ANXA2: variants seen among roughly 807,000 people sequenced by gnomAD.
ANXA2 encodes the protein annexin A2.
ANXA2 carries 28 observed loss-of-function variants against 47.3 expected under a neutral mutation model. The observed-to-expected ratio is 0.59, with a 90% CI of 0.44 to 0.81. The LOEUF (loss-of-function observed/expected upper bound fraction) is 0.81, where lower values mean the gene tolerates loss of function less well. Ranked by LOEUF, ANXA2 falls within the 40% of genes least tolerant of loss-of-function variation. The pLI is 0.00. For synonymous variants in ANXA2, 172 were observed against 155.5 expected, an observed-to-expected ratio of 1.11 and a Z score of -0.79; for missense variants, 384 against 414.3, an observed-to-expected ratio of 0.93 and a Z score of 0.64.
intron 3 of ANXA2, among the ~76,000 whole-genome samples, chr15:60,368,415 AAAGT>A (rs1490452635): frequency 6.6e-6 from 1 of 152,138 alleles, no homozygotes; most frequent in African/African-American, 2.4e-5. Context: ...ACAATATTGA[AAAGT>A]AAAGTAGAAA....
chr15:60,372,825 C>T (rs147925384), intron 3 of ANXA2, among the ~76,000 whole-genome samples: 2 of 151,774 alleles, frequency 1.3e-5, no homozygotes, highest in Middle Eastern at 3.4e-3. Context: ...TCCTGAGTAG[C>T]TGGAAGCACA....
chr15:60,387,769 C>A (rs192669566), intron 1 of ANXA2, among the ~76,000 whole-genome samples: 79 of 152,312 alleles, frequency 5.2e-4, no homozygotes, highest in Non-Finnish European at 7.9e-4. Flanking sequence ...TTCATCAGTT[C>A]TAACAAATGT....
chr15:60,353,277 A>G (rs1385670994), intron 8 of ANXA2, among the ~76,000 whole-genome samples: 1 of 152,218 alleles, frequency 6.6e-6, no homozygotes, highest in African/African-American at 2.4e-5. Context: ...CTCAGAGATA[A>G]TGGAACTAGA....
chr15:60,396,384 G>C (rs2063080906), intron 1 of ANXA2: 1 of 152,178 alleles, frequency 6.6e-6, no homozygotes, highest in African/African-American at 2.4e-5. Context: ...GGACCGGCCT[G>C]GATGGCTGTT....
At chr15:60,379,271 C>T (rs1339339733) in intron 3 of ANXA2, among the ~76,000 whole-genome samples, 1 of 151,846 alleles carries the variant, frequency 6.6e-6, no homozygotes. Context: ...CAGCGAAACT[C>T]CATCTCAAAA....
intron 2 of ANXA2, chr15:60,384,565 A>C (rs765145926): frequency 1.3e-5 from 2 of 152,208 alleles, no homozygotes; most frequent in Non-Finnish European, 2.9e-5. Context: ...CTCTTATAAA[A>C]CCTGATAGCA....
At chr15:60,392,961 AAAT>A in intron 1 of ANXA2, 1 of 1,116,134 alleles carries the variant, frequency 9.0e-7, no homozygotes, top group Non-Finnish European at 1.1e-6. Context: ...AAAAAAAAAA[AAAT>A]GTACTGGGTG....
intron 4 of ANXA2, among the ~76,000 whole-genome samples, chr15:60,363,694 A>C (rs2062551190): frequency 2.0e-5 from 3 of 152,222 alleles, no homozygotes; most frequent in African/African-American, 7.2e-5. Flanking sequence ...AGACCCTTTA[A>C]ATAGTAGGAG....
Position 60,352,065 on chromosome 15 carries a change from G to A in ANXA2, c.683-246C>T, listed in dbSNP as rs866438256. ...TTTGGACCATCTCTATCTCCCCTGA[G>A]TGGAACCCATTCCATCCGAAAACCA... is the stretch of plus-strand genomic sequence containing the variant. On this transcript the variant is annotated intron_variant, in intron 9 of 12. Transcript: ENST00000451270. The surrounding 1 kb of genome is among the most constrained non-coding windows in gnomAD (Gnocchi z 4.2). Among the ~76,000 whole-genome samples the A allele has an allele frequency of 1.3e-5, 2 of 152,132 alleles. No homozygotes were observed. Among genetic ancestry groups the A allele is most frequent in the Non-Finnish European group, 2.9e-5 (2 of 68,046 alleles).
At chr15:60,377,482 G>A (rs913957193) in intron 3 of ANXA2, among the ~76,000 whole-genome samples, 2 of 152,070 alleles carry the variant, frequency 1.3e-5, no homozygotes, top group East Asian at 1.9e-4. Context: ...CTACTGGTTC[G>A]GTTCCAGACC....
intron 3 of ANXA2, among the ~76,000 whole-genome samples, chr15:60,364,938 AATAGAG>A (rs2062572081): frequency 1.3e-5 from 2 of 151,218 alleles, no homozygotes; most frequent in Non-Finnish European, 2.9e-5. Context: ...AAACTGAATT[AATAGAG>A]ATAATTATTT....
intron 5 of ANXA2, among the ~76,000 whole-genome samples, chr15:60,359,421 G>A (rs1248519055): frequency 6.6e-6 from 1 of 152,154 alleles, no homozygotes; most frequent in Non-Finnish European, 1.5e-5. Flanking sequence ...CCACAGACTC[G>A]GTTTTCAGGA....
intron 1 of ANXA2, among the ~76,000 whole-genome samples, chr15:60,395,477 G>T (rs3940746): frequency 0.55 from 84,068 of 152,000 alleles, 24,618 homozygotes; most frequent in East Asian, 0.83. Flanking sequence ...CGAAGGGTGA[G>T]AACAAAGGCT....
chr15:60,374,028 G>GT, intron 3 of ANXA2, among the ~76,000 whole-genome samples: 1 of 152,218 alleles, frequency 6.6e-6, no homozygotes, highest in Non-Finnish European at 1.5e-5. Context: ...CCTCTCCCAA[G>GT]CCTGGCACAG....
intron 3 of ANXA2, among the ~76,000 whole-genome samples, chr15:60,373,339 G>A (rs1402648592): frequency 6.6e-6 from 1 of 152,224 alleles, no homozygotes; most frequent in Non-Finnish European, 1.5e-5. Context: ...TCTGAGGAGA[G>A]ACATGAATAA....
chr15:60,392,942 T>TG, intron 1 of ANXA2: 1 of 926,676 alleles, frequency 1.1e-6, no homozygotes, highest in Non-Finnish European at 1.4e-6. Flanking sequence ...AATTTTAAAC[T>TG]AAAAAAAAAA....
At chr15:60,364,343 A>G in intron 4 of ANXA2, 86 bp downstream of exon 4, 1 of 1,059,078 alleles carries the variant, frequency 9.4e-7, no homozygotes, top group Non-Finnish European at 1.4e-6. Flanking sequence ...TGCGCATGAG[A>G]GCCACAATTC....
At chr15:60,376,838 C>A (rs139195150) in intron 3 of ANXA2, among the ~76,000 whole-genome samples, 1 of 152,378 alleles carries the variant, frequency 6.6e-6, no homozygotes, top group African/African-American at 2.4e-5. Flanking sequence ...TACTCGACAG[C>A]AGCTGATTAA....
intron 1 of ANXA2, chr15:60,393,767 T>C: frequency 4.6e-6 from 4 of 865,330 alleles, no homozygotes; most frequent in Non-Finnish European, 5.6e-6. Context: ...GTGTAAAGTC[T>C]GTCTTCCGTA....
Sources: allele counts gnomAD v4.1 joint callset (sites outside exome capture counted in the v4.1 genomes callset), GRCh38; gene constraint gnomAD v4.1.1; non-coding constraint Gnocchi (gnomAD v3.1); transcripts MANE v1.5; gene names NCBI Gene and HGNC (gene_info 2026-07-23, HGNC 2026-07-21).